The following MYO1E variants were observed in gnomAD, a reference collection of about 807,000 sequenced individuals.
MYO1E encodes myosin IE.
In MYO1E, 68 loss-of-function variants were observed where a neutral mutation model predicts 151.1. That is an observed-to-expected ratio of 0.45 (90% CI 0.37 to 0.55). MYO1E has a LOEUF of 0.55. Ranked by LOEUF, MYO1E falls within the 20% of genes least tolerant of loss-of-function variation. The pLI is 0.00. For synonymous variants in MYO1E, 601 were observed against 501.7 expected (o/e 1.20, Z -2.64); for missense variants, 1,363 against 1,389.3 (o/e 0.98, Z 0.30).
At chr15:59,182,885 G>A (rs538433510) in intron 18 of MYO1E, among the ~76,000 whole-genome samples, 1 of 152,314 alleles carries the variant, frequency 6.6e-6, no homozygotes, top group East Asian at 1.9e-4. Flanking sequence ...TATGGACGGG[G>A]TTGTGGGGAT....
chr15:59,368,590 C>G (rs2080927658), intron 1 of MYO1E, among the ~76,000 whole-genome samples: 1 of 152,014 alleles, frequency 6.6e-6, no homozygotes, highest in African/African-American at 2.4e-5. Context: ...CTAAAAAATA[C>G]AAAATATTAG....
At position 59,227,536 on chromosome 15, in the gene MYO1E, T is replaced by C; in HGVS notation, c.565A>G (p.Ile189Val). 6.2e-7 allele frequency: 1 copy of C among 1,614,162 alleles called. No homozygotes were observed. Among genetic ancestry groups the C allele is most frequent in the South Asian group, 1.1e-5 (1 of 91,090 alleles). ...SPGGEPDGGK[I>V]SNFLLEKSRV... ...GATTTTTCCAGAAGGAAGTTGGAGA[T>C]CTTTCCACCATCTGGTTCCCCACCT... Residue 189 changes from isoleucine (I) to valine (V), a missense_variant, in exon 7 of 28, where the codon ATC (isoleucine) becomes GTC (valine). Transcript: ENST00000288235.
At position 59,173,824 on chromosome 15, in the gene MYO1E, T is replaced by G. The variant is rs148812331; in HGVS notation, c.2256A>C (p.Pro752=). 163 of 1,614,126 alleles carry G rather than the reference T, an allele frequency of 1.0e-4. No individual in the cohort carries two copies. Among genetic ancestry groups the G allele is most frequent in the Admixed American group, 1.7e-4 (10 of 60,020 alleles). Residue 752 remains proline (P), a synonymous_variant, in exon 21 of 28, where the codon CCA becomes CCC. Coordinates refer to ENST00000288235, the MANE Select transcript of MYO1E (RefSeq NM_004998.4). The stretch of plus-strand genomic sequence containing the variant: ...TCTTGCCCACGAACTGCTGGAGTTC[T>G]GGGTGCTCTTCCATCCCAATATAAT... The part of the protein sequence containing the change: ...IGDYIGMEEH[P]ELQQFVGKRE...
At chr15:59,207,348 A>G in intron 14 of MYO1E, 1 of 1,614,108 alleles carries the variant, frequency 6.2e-7, no homozygotes, top group Admixed American at 1.7e-5. Flanking sequence ...TTGTCACAGC[A>G]AACTCCAACC....
At chr15:59,327,371 G>C (rs2080671520) in intron 1 of MYO1E, among the ~76,000 whole-genome samples, 1 of 151,624 alleles carries the variant, frequency 6.6e-6, no homozygotes, top group Non-Finnish European at 1.5e-5. Context: ...CTATCACCCA[G>C]GCTGGAGTGC....
intron 1 of MYO1E, among the ~76,000 whole-genome samples, chr15:59,306,586 C>T (rs2080516181): frequency 6.6e-6 from 1 of 152,218 alleles, no homozygotes; most frequent in Non-Finnish European, 1.5e-5. Context: ...CACAGGTTGG[C>T]AAAACCTCAA....
At chr15:59,160,238 A>C (rs1276482379) in intron 24 of MYO1E, among the ~76,000 whole-genome samples, 1 of 152,032 alleles carries the variant, frequency 6.6e-6, no homozygotes, top group Non-Finnish European at 1.5e-5. Context: ...ATGTATGATT[A>C]TTCTATGCTG....
chr15:59,181,157 C>T (rs1459641092), intron 18 of MYO1E, among the ~76,000 whole-genome samples: 1 of 152,174 alleles, frequency 6.6e-6, no homozygotes, highest in Non-Finnish European at 1.5e-5. Context: ...GCTTCCTATT[C>T]CTCCTTCTCT....
chr15:59,210,106 G>A (rs1017895052), intron 13 of MYO1E, among the ~76,000 whole-genome samples: 4 of 151,814 alleles, frequency 2.6e-5, no homozygotes, highest in Admixed American at 1.3e-4. Context: ...GTGCTCAAGC[G>A]ATCCACCTGC....
chr15:59,284,641 A>T (rs1107022), intron 1 of MYO1E, among the ~76,000 whole-genome samples: 87,214 of 121,102 alleles, frequency 0.72, 32,174 homozygotes, highest in Non-Finnish European at 0.83. Context: ...AAAAAAAAAA[A>T]TTTTTTTTTT....
chr15:59,253,481 G>GT (rs5812967), intron 4 of MYO1E, among the ~76,000 whole-genome samples: 102,364 of 126,850 alleles, frequency 0.81, 41,970 homozygotes, highest in East Asian at 0.94. Context: ...GTCTGATCGA[G>GT]TTTTTTTTTT....
At chr15:59,142,369 C>G (rs2079415369) in intron 26 of MYO1E, among the ~76,000 whole-genome samples, 1 of 152,124 alleles carries the variant, frequency 6.6e-6, no homozygotes. Context: ...CTGAAGGACT[C>G]CCCTCGCCAG....
At chr15:59,214,526 G>A (rs936265882) in intron 11 of MYO1E, 114 bp downstream of exon 11, 1 of 1,104,606 alleles carries the variant, frequency 9.1e-7, no homozygotes, top group Non-Finnish European at 1.4e-6. Flanking sequence ...TGTTTTTTTT[G>A]TTGTTGTGGT....
At chr15:59,326,521 C>T (rs2080665509) in intron 1 of MYO1E, among the ~76,000 whole-genome samples, 1 of 151,988 alleles carries the variant, frequency 6.6e-6, no homozygotes, top group Non-Finnish European at 1.5e-5. Context: ...GACTCCATCT[C>T]AAAAAAAGGA....
intron 18 of MYO1E, among the ~76,000 whole-genome samples, chr15:59,186,842 G>A (rs958351291): frequency 1.3e-5 from 2 of 152,190 alleles, no homozygotes; most frequent in Non-Finnish European, 2.9e-5. Context: ...ACAGTGGAAC[G>A]CCACAGAATC....
At position 59,199,507 on chromosome 15, in the gene MYO1E, ATTTGAGATGCT is replaced by A. The variant is rs529099836; in HGVS notation, c.1698+2808_1698+2818del. Among the ~76,000 whole-genome samples, 407 of 152,338 alleles carry A rather than the reference ATTTGAGATGCT, an allele frequency of 2.7e-3. 2 individuals are homozygous for A. The highest frequency in any genetic ancestry group is 3.4e-3 in the Non-Finnish European group (233 of 68,026). ...GAAATGCTCATTGGAGCATTTCAGG[ATTTGAGATGCT>A]CAACCTGTACTTGTCCCTTCCAGAC... On this transcript the variant is annotated intron_variant, in intron 16 of 27. Transcript: ENST00000288235.
intron 1 of MYO1E, among the ~76,000 whole-genome samples, chr15:59,311,553 C>T (rs2080552106): frequency 6.6e-6 from 1 of 152,130 alleles, no homozygotes; most frequent in Non-Finnish European, 1.5e-5. Flanking sequence ...GAAGGACCTG[C>T]AGCTTTGGGC....
chr15:59,278,028 A>G (rs1285715058), intron 1 of MYO1E, among the ~76,000 whole-genome samples: 1 of 152,220 alleles, frequency 6.6e-6, no homozygotes, highest in Non-Finnish European at 1.5e-5. Context: ...AAATAAATAG[A>G]AACATCAATA....
rs1438869435 is a variant in MYO1E, at chr15:59,218,916, A to G, written c.911-829T>C. Among the ~76,000 whole-genome samples the G allele has an allele frequency of 2.0e-5, 3 of 152,354 alleles. No homozygotes were observed. The South Asian group carries it at 6.2e-4, about 32-fold the overall frequency. ...TACAGTGTGTGGACTAGCACTGGCTACAGGTGAAAGTTCAGGTCAGATTTA... is the reference window on the plus strand; with the variant it reads ...TACAGTGTGTGGACTAGCACTGGCTGCAGGTGAAAGTTCAGGTCAGATTTA... On this transcript the variant is annotated intron_variant, in intron 9 of 27. Coordinates refer to ENST00000288235, the MANE Select transcript of MYO1E (RefSeq NM_004998.4).
Sources: gnomAD v4.1 joint callset for allele counts (sites outside exome capture counted in the v4.1 genomes callset) on GRCh38, gnomAD v4.1.1 for gene constraint, MANE v1.5 for transcripts, NCBI Gene and HGNC (gene_info 2026-07-23, HGNC 2026-07-21) for gene names.